Variants in TESK2 observed in about 807,000 individuals in gnomAD.
TESK2 encodes the protein testis associated actin remodelling kinase 2, also known as dual specificity testis-specific protein kinase 2.
In TESK2, 39 loss-of-function variants were observed where a neutral mutation model predicts 57.1. The observed-to-expected ratio is 0.68, with a 90% CI of 0.53 to 0.89. The LOEUF (loss-of-function observed/expected upper bound fraction) is 0.89. TESK2 is among the 40% of genes least tolerant of loss of function. The probability of loss-of-function intolerance (pLI) is 0.00; values close to 1 mark genes in which losing one functional copy is unlikely to be tolerated. For synonymous variants in TESK2, 249 were observed against 267.9 expected, an observed-to-expected ratio of 0.93 and a Z score of 0.69; for missense variants, 646 against 732.1, an observed-to-expected ratio of 0.88 and a Z score of 1.36.
At chr1:45,383,774 G>T (rs1226034472) in intron 4 of TESK2, among the ~76,000 whole-genome samples, 1 of 152,102 alleles carries the variant, frequency 6.6e-6, no homozygotes, top group East Asian at 1.9e-4. Context: ...CAGAAGGAAG[G>T]GGAGAATTTT....
intron 4 of TESK2, among the ~76,000 whole-genome samples, chr1:45,383,357 T>C (rs1357058486): frequency 6.6e-6 from 1 of 152,164 alleles, no homozygotes; most frequent in African/African-American, 2.4e-5. Flanking sequence ...ACCAAGAGCA[T>C]TTGGCTATTT....
At chr1:45,419,238 A>T (rs972296498) in intron 3 of TESK2, among the ~76,000 whole-genome samples, 42 of 152,132 alleles carry the variant, frequency 2.8e-4, no homozygotes, top group African/African-American at 9.7e-4. Context: ...AGCCTCCCAA[A>T]GTGCTGGGAT....
At position 45,435,275 on chromosome 1, in the gene TESK2, C is replaced by T. The variant is rs148027196; in HGVS notation, c.223-13429G>A. ...CCAGGTAGTTGGGACTACAGGCACACGCCACCACACCCAGCTAATTTTTTT... is the reference window on the plus strand; with the variant it reads ...CCAGGTAGTTGGGACTACAGGCACATGCCACCACACCCAGCTAATTTTTTT... On this transcript the variant is annotated intron_variant, in intron 2 of 10. Coordinates refer to ENST00000372086, the MANE Select transcript of TESK2 (RefSeq NM_007170.3). Among the ~76,000 whole-genome samples the T allele has an allele frequency of 4.4e-3, 666 of 152,170 alleles. 2 individuals are homozygous for T. The highest frequency in any genetic ancestry group is 0.015 in the African/African-American group (635 of 41,532).
intron 1 of TESK2, among the ~76,000 whole-genome samples, chr1:45,479,810 C>G (rs1296902417): frequency 7.3e-6 from 1 of 137,890 alleles, no homozygotes; most frequent in Non-Finnish European, 1.5e-5. Flanking sequence ...GCAGAAGGCC[C>G]TTCTTTTTTT....
chr1:45,481,201 T>A (rs868761757), intron 1 of TESK2, among the ~76,000 whole-genome samples: 2 of 151,182 alleles, frequency 1.3e-5, no homozygotes, highest in African/African-American at 4.9e-5. Flanking sequence ...CCATCTCCAC[T>A]AAAAATACAA....
chr1:45,344,791 G>A lies in TESK2; in HGVS notation c.*49C>T. 1 of 1,521,744 alleles carries A rather than the reference G, an allele frequency of 6.6e-7. No homozygotes were observed. Among genetic ancestry groups the A allele is most frequent in the South Asian group, 1.2e-5 (1 of 82,372 alleles). The allele number at this position is 1,521,744 out of a possible 1,614,324, so 94.3% of individuals were successfully genotyped here. ...AGGCTGTGCACCTAGGGGGCCATAT[G>A]GTTTCAGCTGAAGGTCCATCCCCAA... On this transcript the variant is annotated 3_prime_UTR_variant, in exon 11 of 11. Coordinates refer to ENST00000372086, the MANE Select transcript of TESK2 (RefSeq NM_007170.3).
intron 1 of TESK2, among the ~76,000 whole-genome samples, chr1:45,485,709 G>A (rs2149309782): frequency 6.7e-6 from 1 of 149,734 alleles, no homozygotes; most frequent in Non-Finnish European, 1.5e-5. Flanking sequence ...TAGTAGAGAA[G>A]GGGGTTTCAC....
intron 1 of TESK2, among the ~76,000 whole-genome samples, chr1:45,476,685 A>T (rs1653006203): frequency 6.6e-6 from 1 of 151,014 alleles, no homozygotes; most frequent in Non-Finnish European, 1.5e-5. Flanking sequence ...ATCTCTACTA[A>T]AAACACAAAA....
chr1:45,367,445 T>C (rs893663234), intron 4 of TESK2, among the ~76,000 whole-genome samples: 10 of 150,784 alleles, frequency 6.6e-5, no homozygotes, highest in Non-Finnish European at 1.5e-4. Flanking sequence ...TGACTCCGGG[T>C]TCAAGCAATT....
In TESK2 at chr1:45,473,797, A is replaced by AT. The variant is rs35373358; in HGVS notation, c.-86-15927dup. Among the ~76,000 whole-genome samples, 260 of 143,706 alleles carry AT rather than the reference A, an allele frequency of 1.8e-3. 1 individual carries two copies. Among genetic ancestry groups the AT allele is most frequent in the African/African-American group, 3.5e-3 (137 of 38,920 alleles). 94.3% of individuals were successfully genotyped at this position (143,706 alleles called of 152,430 possible). A position where few individuals can be genotyped will look rare whatever the true frequency, so the allele number is the denominator to read the frequency against. ...AACCAGCTATAAAAGACAATTAGGG[A>AT]TTTTTTTTTTTTTTTTTAAGATAAG... On this transcript the variant is annotated intron_variant, in intron 1 of 10. Coordinates refer to ENST00000372086, the MANE Select transcript of TESK2 (RefSeq NM_007170.3).
chr1:45,393,284 C>T (rs974573411), intron 3 of TESK2, among the ~76,000 whole-genome samples: 7 of 152,062 alleles, frequency 4.6e-5, no homozygotes, highest in Admixed American at 3.9e-4. Flanking sequence ...TGCTTTCTTC[C>T]CACCCTCTAC....
At chr1:45,429,769 T>A (rs753506185) in intron 2 of TESK2, among the ~76,000 whole-genome samples, 2 of 152,206 alleles carry the variant, frequency 1.3e-5, no homozygotes, top group Non-Finnish European at 2.9e-5. Context: ...AATCTTCAAT[T>A]GGCATAACTA....
At chr1:45,448,004 G>A (rs1335862551) in intron 2 of TESK2, among the ~76,000 whole-genome samples, 1 of 148,358 alleles carries the variant, frequency 6.7e-6, no homozygotes, top group Non-Finnish European at 1.5e-5. Flanking sequence ...TCACAGATAG[G>A]AAGACTCAAT....
intron 8 of TESK2, 60 bp downstream of exon 8, chr1:45,346,919 C>G: frequency 6.3e-7 from 1 of 1,588,186 alleles, no homozygotes; most frequent in East Asian, 2.2e-5. Flanking sequence ...AGGGACAGAA[C>G]AGTTCCATTG....
intron 5 of TESK2, among the ~76,000 whole-genome samples, chr1:45,351,240 T>G (rs1270897814): frequency 6.6e-6 from 1 of 152,256 alleles, no homozygotes; most frequent in Non-Finnish European, 1.5e-5. Flanking sequence ...GATAAAAGCC[T>G]GTGTGTGGCT....
At chr1:45,488,214 C>T (rs1032367562) in intron 1 of TESK2, among the ~76,000 whole-genome samples, 2 of 152,188 alleles carry the variant, frequency 1.3e-5, no homozygotes, top group Non-Finnish European at 2.9e-5. Context: ...GCCACTACAC[C>T]TGGCCAACAA....
intron 3 of TESK2, among the ~76,000 whole-genome samples, chr1:45,386,747 G>A (rs1466510384): frequency 2.0e-5 from 3 of 152,012 alleles, no homozygotes; most frequent in South Asian, 2.1e-4. Context: ...TCCGCCTCCC[G>A]GGTTCAAGCA....
intron 1 of TESK2, among the ~76,000 whole-genome samples, chr1:45,475,209 C>CT (rs375872140): frequency 0.045 from 5,119 of 113,076 alleles, 573 homozygotes; most frequent in African/African-American, 0.16. Flanking sequence ...TTAGCCTGGC[C>CT]TTTTTTTTTT....
Position 45,401,104 on chromosome 1 carries a change from C to G in TESK2, c.345-15144G>C, listed in dbSNP as rs1327253404. 2.0e-5 allele frequency among the ~76,000 whole-genome samples: 3 copies of G among 147,232 alleles called. No individual in the cohort carries two copies. The Admixed American group carries it at 2.0e-4, about 10-fold the overall frequency. ...TATCCTTACTCTGATTTAAAAAACA[C>G]TGACACTACTGGCCAAGTGTGGTGG... On this transcript the variant is annotated intron_variant, in intron 3 of 10. Transcript: ENST00000372086.
Sources: gnomAD v4.1 joint callset for allele counts (sites outside exome capture counted in the v4.1 genomes callset) on GRCh38, gnomAD v4.1.1 for gene constraint, MANE v1.5 for transcripts, NCBI Gene and HGNC (gene_info 2026-07-23, HGNC 2026-07-21) for gene names.